The following DPP10 variants were observed in gnomAD, a reference collection of about 807,000 sequenced individuals.
The protein encoded by DPP10 is dipeptidyl peptidase like 10, also known as inactive dipeptidyl peptidase 10.
In DPP10, 33 loss-of-function variants were observed where a neutral mutation model predicts 120.9. That is an observed-to-expected ratio of 0.27 (90% CI 0.21 to 0.37). DPP10 has a LOEUF of 0.37. Ranked by LOEUF, DPP10 falls within the 10% of genes least tolerant of loss-of-function variation. The probability of loss-of-function intolerance (pLI) is 1.00; values close to 1 mark genes in which losing one functional copy is unlikely to be tolerated. For missense variants in DPP10, 816 were observed against 942.8 expected, an observed-to-expected ratio of 0.87 and a Z score of 1.76; for synonymous variants, 337 against 326.1, an observed-to-expected ratio of 1.03 and a Z score of -0.36.
intron 7 of DPP10, among the ~76,000 whole-genome samples, chr2:115,705,857 C>T (rs932496280): frequency 1.1e-4 from 16 of 151,798 alleles, no homozygotes; most frequent in African/African-American, 3.4e-4. Context: ...CCATATCTAA[C>T]GTCTAATGGG....
intron 1 of DPP10, among the ~76,000 whole-genome samples, chr2:115,082,570 G>A (rs894637456): frequency 4.6e-5 from 7 of 152,202 alleles, no homozygotes; most frequent in African/African-American, 1.7e-4. Context: ...CAATGCTACA[G>A]AAAGGATGTT....
intron 1 of DPP10, among the ~76,000 whole-genome samples, chr2:114,464,780 G>A (rs550753459): frequency 3.3e-5 from 5 of 152,170 alleles, no homozygotes; most frequent in Admixed American, 6.5e-5. Context: ...CGGGAGAATC[G>A]CTTGAACCCA....
chr2:115,689,638 T>C (rs2091197387), intron 5 of DPP10, 49 bp from the exon 6 acceptor site: 1 of 1,189,606 alleles, frequency 8.4e-7, no homozygotes, highest in Non-Finnish European at 1.2e-6. Context: ...ATACATATAT[T>C]CACATTAAGA....
intron 1 of DPP10, among the ~76,000 whole-genome samples, chr2:115,227,183 G>A (rs2057476295): frequency 6.6e-6 from 1 of 152,022 alleles, no homozygotes; most frequent in African/African-American, 2.4e-5. Flanking sequence ...TATTCAAATT[G>A]CATGTATCCT....
intron 5 of DPP10, among the ~76,000 whole-genome samples, chr2:115,638,304 T>C (rs1358022739): frequency 2.0e-5 from 3 of 152,192 alleles, no homozygotes; most frequent in African/African-American, 7.2e-5. Context: ...TCTAGTATTA[T>C]ATGTGATTGC....
At position 114,465,962 on chromosome 2, in the gene DPP10, G is replaced by C. The variant is rs1679331215; in HGVS notation, c.60+23124G>C. ...TATTCCTTTCATCTAGCTGTGCGTT[G>C]TGTTGTTAACCAACCTTTGGCTGTG... On this transcript the variant is annotated intron_variant, in intron 1 of 25. Transcript: ENST00000410059. 2.6e-5 allele frequency among the ~76,000 whole-genome samples: 4 copies of C among 152,108 alleles called. No homozygotes were observed. In the South Asian group the frequency reaches 8.3e-4, roughly 32 times the overall value.
At chr2:115,775,619 G>A (rs115941692) in intron 13 of DPP10, among the ~76,000 whole-genome samples, 2,140 of 152,006 alleles carry the variant, frequency 0.014, 23 homozygotes, top group South Asian at 0.031. Flanking sequence ...CTAGGAGTAC[G>A]CACTTCCAAT....
At chr2:115,677,535 T>C (rs1416617030) in intron 5 of DPP10, among the ~76,000 whole-genome samples, 4 of 152,112 alleles carry the variant, frequency 2.6e-5, no homozygotes, top group Non-Finnish European at 4.4e-5. Flanking sequence ...AGAGACTCAC[T>C]TCATTTGTAA....
At chr2:115,384,375 GAAAAGC>G (rs1478659367) in intron 3 of DPP10, among the ~76,000 whole-genome samples, 1 of 149,138 alleles carries the variant, frequency 6.7e-6, no homozygotes, top group East Asian at 2.0e-4. Context: ...TCCTGTCTCA[GAAAAGC>G]AGAAGCAGAA....
In DPP10 at chr2:114,749,006, T is replaced by G. The variant is rs1678921469; in HGVS notation, c.60+306168T>G. On this transcript the variant is annotated intron_variant, in intron 1 of 25. Transcript: ENST00000410059. ...TGACTTCCACAATGGTTGAACTAGT[T>G]TACAGTCCCACCAACAGTGTAAAAG... Among the ~76,000 whole-genome samples, 3 of 132,468 alleles carry G rather than the reference T, an allele frequency of 2.3e-5. No homozygotes were observed. In the Admixed American group the frequency reaches 2.4e-4, roughly 11 times the overall value. 86.9% of individuals were successfully genotyped at this position (132,468 alleles called of 152,430 possible).
intron 3 of DPP10, among the ~76,000 whole-genome samples, chr2:115,364,780 C>T (rs745993875): frequency 1.1e-4 from 16 of 151,976 alleles, no homozygotes; most frequent in Non-Finnish European, 1.6e-4. Context: ...CACGTAGTTA[C>T]GCTGTTGTTT....
intron 1 of DPP10, among the ~76,000 whole-genome samples, chr2:114,460,173 CT>C (rs1239633389): frequency 1.8e-3 from 9 of 5,052 alleles, no homozygotes; most frequent in African/African-American, 3.4e-3. Flanking sequence ...GGGATGATAT[CT>C]ATCTATCTAT....
At chr2:115,649,826 C>A (rs1448140323) in intron 5 of DPP10, among the ~76,000 whole-genome samples, 1 of 152,078 alleles carries the variant, frequency 6.6e-6, no homozygotes, top group African/African-American at 2.4e-5. Context: ...CTCCTACTTT[C>A]TTTCCTTATA....
chr2:114,920,333 C>G (rs1447295555), intron 1 of DPP10, among the ~76,000 whole-genome samples: 1 of 152,210 alleles, frequency 6.6e-6, no homozygotes, highest in Non-Finnish European at 1.5e-5. Flanking sequence ...GGCTGATTCT[C>G]TCATCCAGCT....
chr2:115,102,230 C>G (rs2048724878), intron 1 of DPP10, among the ~76,000 whole-genome samples: 1 of 152,152 alleles, frequency 6.6e-6, no homozygotes, highest in African/African-American at 2.4e-5. Context: ...TCTGGTCCCT[C>G]TTTCTCTTCT....
At chr2:114,643,518 C>T (rs1695871821) in intron 1 of DPP10, among the ~76,000 whole-genome samples, 1 of 151,872 alleles carries the variant, frequency 6.6e-6, no homozygotes, top group South Asian at 2.1e-4. Context: ...CATACTTTGT[C>T]TTCTGCTAAG....
At chr2:115,585,802 C>A (rs578135144) in intron 5 of DPP10, among the ~76,000 whole-genome samples, 1 of 152,174 alleles carries the variant, frequency 6.6e-6, no homozygotes, top group South Asian at 2.1e-4. Context: ...CTATCCACGT[C>A]GCCACTTCCT....
intron 11 of DPP10, among the ~76,000 whole-genome samples, chr2:115,759,494 TAAAATAACAAA>T (rs1202087150): frequency 6.6e-6 from 1 of 151,730 alleles, no homozygotes; most frequent in African/African-American, 2.4e-5. Context: ...ATGACTACAC[TAAAATAACAAA>T]AAACTGACAA....
Position 115,057,594 on chromosome 2 carries a change from G to A in DPP10, c.61-251645G>A, listed in dbSNP as rs531355231. On this transcript the variant is annotated intron_variant, in intron 1 of 25. Transcript: ENST00000410059. ...TTTTATGGAAAGGACAGAAGGAGCA[G>A]AGTTTGTTTTGGTCTTTTGCTTCGT... Among the ~76,000 whole-genome samples, 4 of 152,308 alleles carry A rather than the reference G, an allele frequency of 2.6e-5. No individual in the cohort carries two copies. The South Asian group carries it at 8.3e-4, about 32-fold the overall frequency.
Sources: gnomAD v4.1 joint callset for allele counts (sites outside exome capture counted in the v4.1 genomes callset) on GRCh38, gnomAD v4.1.1 for gene constraint, MANE v1.5 for transcripts, NCBI Gene and HGNC (gene_info 2026-07-23, HGNC 2026-07-21) for gene names.